GPM6B: variants seen among roughly 807,000 people sequenced by gnomAD.
GPM6B encodes glycoprotein M6B.
A neutral mutation model predicts 27.2 loss-of-function variants in GPM6B; 4 were observed. The observed-to-expected ratio is 0.15, with a 90% confidence interval of 0.07 to 0.34. The LOEUF (loss-of-function observed/expected upper bound fraction) is 0.34. Among genes scored for constraint, GPM6B ranks in the 10% least tolerant of loss-of-function variants. GPM6B has a pLI of 1.00. For synonymous variants in GPM6B, 124 were observed against 103.1 expected, an observed-to-expected ratio of 1.20 and a Z score of -1.23; for missense variants, 183 against 261.9, an observed-to-expected ratio of 0.70 and a Z score of 2.08.
intron 1 of GPM6B, among the ~76,000 whole-genome samples, chrX:13,835,659 T>G (rs2049487059): frequency 8.9e-6 from 1 of 112,095 alleles, no homozygotes; most frequent in Admixed American, 9.4e-5. Flanking sequence ...CTGGCTAGAT[T>G]AAGTATTAAA....
rs762838955 is a variant in GPM6B, at chrX:13,880,704, T to TCTATTA, written c.-198+57617_-198+57622dup. On this transcript the variant is annotated intron_variant, in intron 1 of 6. Coordinates refer to the GPM6B transcript ENST00000398361. ...AAAAAAAAAAAAAGGCAAATCAGGT[T>TCTATTA]CTATTACTTCCCTGCCTTAAACCTT... 8.6e-3 allele frequency among the ~76,000 whole-genome samples: 807 copies of TCTATTA among 93,580 alleles called. 18 individuals are homozygous for TCTATTA. The highest frequency in any genetic ancestry group is 0.035 in the African/African-American group (761 of 21,700). The allele number at this position is 93,580 out of a possible 115,157, so 81.3% of individuals were successfully genotyped here.
At chrX:13,778,451 A>G (rs2048456765) in intron 5 of GPM6B, among the ~76,000 whole-genome samples, 1 of 112,502 alleles carries the variant, frequency 8.9e-6, no homozygotes, top group Non-Finnish European at 1.9e-5. Flanking sequence ...GCTCCTCTGC[A>G]ATGACAGTTG....
At chrX:13,821,235 A>AG (rs2049303519), upstream of GPM6B, among the ~76,000 whole-genome samples, 1 of 112,238 alleles carries the variant, frequency 8.9e-6, no homozygotes, top group African/African-American at 3.2e-5. Flanking sequence ...GAGGCTCCCA[A>AG]GGTCCAGTTG....
intron 2 of GPM6B, among the ~76,000 whole-genome samples, chrX:13,802,041 G>A (rs1357623791): frequency 9.0e-6 from 1 of 111,275 alleles, no homozygotes; most frequent in Non-Finnish European, 1.9e-5. Context: ...GAGGAGGTGG[G>A]AAGACCTAAG....
chrX:13,894,726 G>A (rs1278698432), intron 1 of GPM6B, among the ~76,000 whole-genome samples: 2 of 112,328 alleles, frequency 1.8e-5, no homozygotes, highest in Admixed American at 9.4e-5. Context: ...TAAAAATAAC[G>A]TTGGGTTCTT....
chrX:13,890,574 T>C (rs1278238785), intron 1 of GPM6B, among the ~76,000 whole-genome samples: 1 of 111,424 alleles, frequency 9.0e-6, no homozygotes, highest in African/African-American at 3.3e-5. Context: ...CCCAGCCTTT[T>C]GAGGGCAGGA....
chrX:13,910,469 A>G (rs1323334671), intron 1 of GPM6B, among the ~76,000 whole-genome samples: 2 of 113,255 alleles, frequency 1.8e-5, no homozygotes, highest in Admixed American at 1.9e-4. Context: ...GTGGACTCTG[A>G]GTACTGTATC....
At chrX:13,825,578 GC>G (rs1444861441) in intron 1 of GPM6B, among the ~76,000 whole-genome samples, 1 of 112,825 alleles carries the variant, frequency 8.9e-6, no homozygotes, top group Admixed American at 9.3e-5. Flanking sequence ...CGAGGACTTG[GC>G]AAAGGCCACT....
chrX:13,774,410 A>T (rs1237789887), intron 7 of GPM6B: 3 of 1,103,507 alleles, frequency 2.7e-6, no homozygotes, highest in Admixed American at 5.7e-5. Context: ...TTAATCTACC[A>T]TGCAAGGTGA....
At chrX:13,796,569 T>C (rs1237656717) in intron 2 of GPM6B, among the ~76,000 whole-genome samples, 1 of 112,163 alleles carries the variant, frequency 8.9e-6, no homozygotes, top group Non-Finnish European at 1.9e-5. Flanking sequence ...AAATCAAATA[T>C]AGGTTGCTTC....
rs2147109673 is a variant in GPM6B at position 13,776,385 on chromosome X, G to A, written c.772-82C>T. Reference sequence around the variant, plus strand: ...CTCATTGTGGGGTGCTGCTTCATCTGTCTCCTTTGCAGCTCTTCTCTGCAA... The same window carrying A: ...CTCATTGTGGGGTGCTGCTTCATCTATCTCCTTTGCAGCTCTTCTCTGCAA... On this transcript the variant is annotated intron_variant, in intron 6 of 7. Coordinates refer to ENST00000316715, the MANE Select transcript of GPM6B (RefSeq NM_001001995.3). 7.9e-6 allele frequency: 6 copies of A among 756,059 alleles called. No individual in the cohort carries two copies. In the East Asian group the frequency reaches 2.0e-4, roughly 25 times the overall value. The allele number at this position is 756,059 out of a possible 1,213,427, so 62.3% of individuals were successfully genotyped here. A position where few individuals can be genotyped will look rare whatever the true frequency, so the allele number is the denominator to read the frequency against.
intron 1 of GPM6B, among the ~76,000 whole-genome samples, chrX:13,857,134 T>A (rs758565709): frequency 1.8e-5 from 2 of 111,412 alleles, no homozygotes; most frequent in African/African-American, 6.5e-5. Context: ...TGTGATGACA[T>A]TGGGCCCACT....
intron 1 of GPM6B, among the ~76,000 whole-genome samples, chrX:13,834,153 C>T (rs2049471707): frequency 8.9e-6 from 1 of 112,748 alleles, no homozygotes; most frequent in Admixed American, 9.3e-5. Context: ...CTCATCTTTC[C>T]TTTTCCAGTC....
At chrX:13,865,542 C>CAAAAAAAAAAAAAAAAAAAAA (rs1171503867) in intron 1 of GPM6B, among the ~76,000 whole-genome samples, 12 of 14,622 alleles carry the variant, frequency 8.2e-4, no homozygotes, top group East Asian at 1.3e-3. Context: ...TCCATCTCTT[C>CAAAAAAAAAAAAAAAAAAAAA]AAAAAAAAAA....
chrX:13,835,791 G>T (rs773663402), intron 1 of GPM6B, among the ~76,000 whole-genome samples: 1 of 112,308 alleles, frequency 8.9e-6, no homozygotes, highest in Non-Finnish European at 1.9e-5. Context: ...ACTAAGAGGG[G>T]CTAGTGCATC....
intron 1 of GPM6B, among the ~76,000 whole-genome samples, chrX:13,913,891 A>G (rs2050403430): frequency 1.8e-5 from 2 of 110,866 alleles, no homozygotes; most frequent in Non-Finnish European, 3.8e-5. Flanking sequence ...AGCTGGGACC[A>G]CAGGCATGTG....
At chrX:13,851,173 A>G (rs2147241467) in intron 1 of GPM6B, among the ~76,000 whole-genome samples, 1 of 109,611 alleles carries the variant, frequency 9.1e-6, no homozygotes, top group East Asian at 2.8e-4. Flanking sequence ...CAAAAAAAAA[A>G]AAAAAAAAAA....
chrX:13,817,320 T>G, upstream of GPM6B: 1 of 757,573 alleles, frequency 1.3e-6, no homozygotes, highest in Non-Finnish European at 1.6e-6. Flanking sequence ...TCTCTCTCTC[T>G]TTCTCCCCAC....
intron 1 of GPM6B, among the ~76,000 whole-genome samples, chrX:13,880,056 A>T (rs970480637): frequency 1.8e-5 from 2 of 112,449 alleles, no homozygotes; most frequent in African/African-American, 6.5e-5. Flanking sequence ...TCTGTGAGGG[A>T]TTCTTTGCTC....
Sources: gnomAD v4.1 joint callset for allele counts (sites outside exome capture counted in the v4.1 genomes callset) on GRCh38, gnomAD v4.1.1 for gene constraint, MANE v1.5 for transcripts, NCBI Gene and HGNC (gene_info 2026-07-23, HGNC 2026-07-21) for gene names.